Variants in CASK observed in about 807,000 individuals in gnomAD.
CASK encodes the protein peripheral plasma membrane protein CASK.
In CASK, 4 loss-of-function variants were observed where a neutral mutation model predicts 82.9. That is an observed-to-expected ratio of 0.05 (90% CI 0.02 to 0.11). The LOEUF (loss-of-function observed/expected upper bound fraction) is 0.11, where lower values mean the gene tolerates loss of function less well. Among genes scored for constraint, CASK ranks in the 10% least tolerant of loss-of-function variants. The probability of loss-of-function intolerance (pLI) is 1.00; values close to 1 mark genes in which losing one functional copy is unlikely to be tolerated. For synonymous variants in CASK, 259 were observed against 253.5 expected (o/e 1.02, Z -0.20); for missense variants, 358 against 720.9 (o/e 0.50, Z 5.76).
chrX:41,609,982 C>T lies in CASK; in HGVS notation c.1077G>A (p.Ala359=), dbSNP rs145641295. The change falls in exon 12 of 27, where the codon GCG becomes GCA. Residue 359 remains alanine, a synonymous_variant. Transcript: ENST00000378163. The part of the protein sequence containing the change: ...QVLDSLEEIH[A]LTDCSEKDLD... ...GGTCCTTTTCACTGCAGTCTGTAAG[C>T]GCATGAATCTCTTCCAGGCTGTCCA... is the stretch of plus-strand genomic sequence containing the variant. The T allele has an allele frequency of 1.3e-3, 1,521 of 1,207,236 alleles. No individual in the cohort carries two copies. The highest frequency in any genetic ancestry group is 1.6e-3 in the Non-Finnish European group (1,397 of 892,536).
chrX:41,575,321 T>C (rs1352028875), intron 15 of CASK, among the ~76,000 whole-genome samples: 1 of 111,872 alleles, frequency 8.9e-6, no homozygotes, highest in Non-Finnish European at 1.9e-5. Flanking sequence ...AGAGAGGAAC[T>C]GATTCACTTT....
At chrX:41,734,306 A>C (rs12394326) in intron 5 of CASK, among the ~76,000 whole-genome samples, 2,360 of 111,604 alleles carry the variant, frequency 0.021, 65 homozygotes, top group African/African-American at 0.072. Context: ...TCTCCCCACA[A>C]CCTCATGATC....
chrX:41,629,571 A>G (rs1309244609), intron 9 of CASK, among the ~76,000 whole-genome samples: 1 of 111,727 alleles, frequency 9.0e-6, no homozygotes, highest in Non-Finnish European at 1.9e-5. Context: ...GATTTCTACT[A>G]TACTAGGGGT....
At chrX:41,551,250 G>A (rs2065093493) in intron 21 of CASK, among the ~76,000 whole-genome samples, 1 of 112,044 alleles carries the variant, frequency 8.9e-6, no homozygotes, top group Admixed American at 9.4e-5. Context: ...TGTGTACCTG[G>A]GTGCAAATCC....
chrX:41,658,767 C>T (rs1398792820), intron 8 of CASK, among the ~76,000 whole-genome samples: 1 of 111,465 alleles, frequency 9.0e-6, no homozygotes, highest in East Asian at 2.8e-4. Flanking sequence ...TCAAATGTTG[C>T]TGACAGGCCA....
At chrX:41,743,538 C>T (rs1047732291) in intron 4 of CASK, 12 of 286,231 alleles carry the variant, frequency 4.2e-5, no homozygotes, top group Non-Finnish European at 6.7e-5. Context: ...CCCAGCAGTA[C>T]AAAAACACAG....
intron 3 of CASK, among the ~76,000 whole-genome samples, chrX:41,775,167 T>A (rs1211322181): frequency 1.9e-5 from 2 of 107,192 alleles, no homozygotes; most frequent in African/African-American, 3.4e-5. Context: ...GAATCTACAA[T>A]GAACTCAAAC....
intron 4 of CASK, among the ~76,000 whole-genome samples, chrX:41,744,347 C>CT (rs746371317): frequency 3.0e-3 from 300 of 98,479 alleles, no homozygotes; most frequent in East Asian, 0.012. Flanking sequence ...ATATTTACTT[C>CT]TTTTTTTTTT....
At chrX:41,666,901 G>A (rs2067126394) in intron 6 of CASK, among the ~76,000 whole-genome samples, 1 of 111,408 alleles carries the variant, frequency 9.0e-6, no homozygotes, top group Non-Finnish European at 1.9e-5. Context: ...GACAGGGAGG[G>A]GCCACTGGAG....
chrX:41,878,027 T>A (rs973114033), intron 1 of CASK, among the ~76,000 whole-genome samples: 2 of 106,334 alleles, frequency 1.9e-5, no homozygotes, highest in Non-Finnish European at 3.9e-5. Context: ...CTTATTTTCA[T>A]GAGGTGTGAA....
At chrX:41,528,898 G>A (rs986956167) in intron 25 of CASK, among the ~76,000 whole-genome samples, 7 of 112,207 alleles carry the variant, frequency 6.2e-5, no homozygotes, top group Non-Finnish European at 1.1e-4. Flanking sequence ...AAGCCCAGTC[G>A]GTGCAGACTG....
chrX:41,640,216 T>G (rs1325879866), intron 8 of CASK, among the ~76,000 whole-genome samples: 1 of 110,827 alleles, frequency 9.0e-6, no homozygotes, highest in African/African-American at 3.3e-5. Flanking sequence ...TGTTCTTTTT[T>G]TTTTTGAAAT....
intron 21 of CASK, among the ~76,000 whole-genome samples, chrX:41,545,598 C>T (rs1302285458): frequency 9.0e-6 from 1 of 111,709 alleles, no homozygotes; most frequent in African/African-American, 3.3e-5. Flanking sequence ...TAGAGCAAGA[C>T]CTCCTTCCTT....
At chrX:41,757,790 G>A (rs905482443) in intron 3 of CASK, among the ~76,000 whole-genome samples, 4 of 112,219 alleles carry the variant, frequency 3.6e-5, no homozygotes, top group Non-Finnish European at 5.6e-5. Flanking sequence ...GTGAGCCACT[G>A]CACCTGGCAG....
chrX:41,580,666 C>T (rs2147207673), intron 14 of CASK, among the ~76,000 whole-genome samples: 1 of 111,136 alleles, frequency 9.0e-6, no homozygotes, highest in South Asian at 3.7e-4. Flanking sequence ...CGAAACTTAA[C>T]CTAAAGCTCT....
intron 8 of CASK, among the ~76,000 whole-genome samples, chrX:41,638,589 A>G (rs895551381): frequency 1.8e-5 from 2 of 111,188 alleles, no homozygotes; most frequent in Non-Finnish European, 3.8e-5. Context: ...AGTAGGCCCA[A>G]TGGAGAAAGT....
intron 7 of CASK, among the ~76,000 whole-genome samples, chrX:41,663,332 G>A (rs903567592): frequency 9.0e-6 from 1 of 111,358 alleles, no homozygotes; most frequent in Non-Finnish European, 1.9e-5. Context: ...GAAAACCTAG[G>A]CTTTTTGTAA....
At chrX:41,532,513 GT>G (rs1239245491) in intron 24 of CASK, among the ~76,000 whole-genome samples, 3 of 111,684 alleles carry the variant, frequency 2.7e-5, no homozygotes, top group Non-Finnish European at 1.9e-5. Flanking sequence ...TTTAGGAAAT[GT>G]TTTTCTAGAT....
intron 1 of CASK, among the ~76,000 whole-genome samples, chrX:41,916,831 G>C (rs2072699974): frequency 8.9e-6 from 1 of 111,933 alleles, no homozygotes; most frequent in Non-Finnish European, 1.9e-5. Flanking sequence ...CCTGTCTGTT[G>C]GGGCAAGGGA....
Sources: allele counts gnomAD v4.1 joint callset (sites outside exome capture counted in the v4.1 genomes callset), GRCh38; gene constraint gnomAD v4.1.1; transcripts MANE v1.5; gene names NCBI Gene and HGNC (gene_info 2026-07-23, HGNC 2026-07-21).